The following ADGRD1 variants were observed in gnomAD, a reference collection of about 807,000 sequenced individuals.
The protein encoded by ADGRD1 is G-protein coupled receptor 133.
Under a neutral mutation model 113.4 loss-of-function variants are expected in ADGRD1, and 77 were observed. The ratio of observed to expected loss-of-function variants is 0.68; its 90% CI spans 0.57 to 0.82. The LOEUF (loss-of-function observed/expected upper bound fraction) is 0.82, where lower values mean the gene tolerates loss of function less well. Ranked by LOEUF, ADGRD1 falls within the 40% of genes least tolerant of loss-of-function variation. The pLI, the probability that ADGRD1 is intolerant of heterozygous loss-of-function variation, is 0.00. For synonymous variants in ADGRD1, 474 were observed against 475.0 expected (o/e 1.00, Z 0.03); for missense variants, 1,036 against 1,139.1 (o/e 0.91, Z 1.30).
intron 18 of ADGRD1, among the ~76,000 whole-genome samples, chr12:131,117,877 A>G (rs1950506482): frequency 6.6e-6 from 1 of 152,178 alleles, no homozygotes; most frequent in African/African-American, 2.4e-5. Flanking sequence ...AACCAACACT[A>G]TGGATACTTG....
At chr12:131,049,979 AC>A (rs1883215727) in intron 13 of ADGRD1, among the ~76,000 whole-genome samples, 1 of 152,198 alleles carries the variant, frequency 6.6e-6, no homozygotes, top group Admixed American at 6.5e-5. Flanking sequence ...TGCAGATGTC[AC>A]CCTGGTGGTC....
In ADGRD1 at chr12:130,987,195, G is replaced by A. The variant is rs1251269241; in HGVS notation, c.591G>A (p.Val197=). ...TLSTSDPSGK[V]SRDYGESNVN... The stretch of plus-strand genomic sequence containing the variant: ...GCACCTCTGATCCGAGTGGAAAAGT[G>A]TCTCGTGACTATGGAGAGTCCAACG... Residue 197 remains valine, a synonymous_variant, in exon 6 of 25, where the codon GTG becomes GTA. Transcript: ENST00000261654. The A allele has an allele frequency of 4.3e-6, 7 of 1,614,242 alleles. 1 individual carries two copies. The South Asian group carries it at 6.6e-5, about 15-fold the overall frequency.
At chr12:131,129,186 G>A (rs1406554027) in intron 20 of ADGRD1, among the ~76,000 whole-genome samples, 1 of 122,274 alleles carries the variant, frequency 8.2e-6, no homozygotes, top group Non-Finnish European at 1.7e-5. Context: ...GGCCCGCCCT[G>A]CTGTCTGGTG....
In ADGRD1 at chr12:131,000,423, G is replaced by T. The variant is rs769378221; in HGVS notation, c.1007G>T (p.Gly336Val). The change falls in exon 9 of 25, where the codon GGT (glycine) becomes GTT (valine). Residue 336 changes from glycine (G) to valine (V), a missense_variant. By Grantham distance (109) the Gly-to-Val change is moderately radical. Transcript: ENST00000261654. ...GTGGGAGAGATCCTTCTACTGCCTG[G>T]TTGGATTGCTCTGTCAGAGGTAAGA... ...KAVGEILLLP[G>V]WIALSEDSAV... is the part of the protein sequence containing the mutation. 9.3e-6 allele frequency: 15 copies of T among 1,612,656 alleles called. No homozygotes were observed. The African/African-American group carries it at 1.7e-4, about 19-fold the overall frequency.
Position 131,003,316 on chromosome 12 carries a change from G to C in ADGRD1, c.1144+14G>C, listed in dbSNP as rs563561024. The C allele has an allele frequency of 1.3e-6, 2 of 1,572,956 alleles. No individual in the cohort carries two copies. Among genetic ancestry groups the C allele is most frequent in the South Asian group, 2.2e-5 (2 of 90,306 alleles). ...CTGCCATGGCAGGTAGCTGTCGCTT[G>C]TAAGGGTGAGCCACATGGCAGGGGC... is the stretch of plus-strand genomic sequence containing the variant. On this transcript the variant is annotated intron_variant, in intron 10 of 24. Transcript: ENST00000261654. The surrounding 1 kb of genome is among the most constrained non-coding windows in gnomAD (Gnocchi z 4.8).
At chr12:131,074,778 C>T (rs1010873006) in intron 13 of ADGRD1, among the ~76,000 whole-genome samples, 1 of 152,162 alleles carries the variant, frequency 6.6e-6, no homozygotes, top group South Asian at 2.1e-4. Context: ...GAACCTCTGA[C>T]GATGGAGGGG....
chr12:131,097,435 C>T (rs967392530), intron 15 of ADGRD1, among the ~76,000 whole-genome samples: 3 of 152,258 alleles, frequency 2.0e-5, no homozygotes, highest in Admixed American at 2.0e-4. Flanking sequence ...AGTGGCCAAG[C>T]AGCTCATTTC....
chr12:131,128,076 G>A (rs113706820), intron 20 of ADGRD1, among the ~76,000 whole-genome samples: 2 of 142,160 alleles, frequency 1.4e-5, no homozygotes, highest in African/African-American at 2.7e-5. Context: ...AGCTCAGGTG[G>A]GGTGTTGGTT....
chr12:130,993,166 A>G (rs911246772), intron 8 of ADGRD1, among the ~76,000 whole-genome samples: 10 of 151,960 alleles, frequency 6.6e-5, no homozygotes, highest in Non-Finnish European at 1.5e-4. Context: ...TTCATCGGGG[A>G]TAAGTGGGTT....
intron 19 of ADGRD1, among the ~76,000 whole-genome samples, chr12:131,119,222 C>T (rs1950534059): frequency 1.3e-5 from 2 of 152,248 alleles, no homozygotes; most frequent in South Asian, 4.1e-4. Context: ...AGCATTTTCA[C>T]AGCTTCAGAA....
At chr12:131,100,464 T>A (rs892455154) in intron 15 of ADGRD1, among the ~76,000 whole-genome samples, 1 of 152,036 alleles carries the variant, frequency 6.6e-6, no homozygotes, top group Non-Finnish European at 1.5e-5. Context: ...GATGTTAAGG[T>A]TGGTTGATGG....
chr12:130,963,414 C>G (rs1384522410), intron 2 of ADGRD1, among the ~76,000 whole-genome samples: 1 of 151,918 alleles, frequency 6.6e-6, no homozygotes, highest in Admixed American at 6.6e-5. Flanking sequence ...ATCTCGCACT[C>G]AGCTTTTCGA....
chr12:131,059,293 C>T (rs748493291), intron 13 of ADGRD1, among the ~76,000 whole-genome samples: 2 of 152,160 alleles, frequency 1.3e-5, no homozygotes, highest in Admixed American at 6.5e-5. Context: ...CGTGCCTCAG[C>T]CTCCTGAGTA....
intron 2 of ADGRD1, among the ~76,000 whole-genome samples, chr12:130,963,189 G>C (rs372428482): frequency 2.0e-5 from 3 of 151,692 alleles, no homozygotes; most frequent in Non-Finnish European, 4.4e-5. Context: ...GCGTGGTGGC[G>C]GGCGCCTGTA....
intron 5 of ADGRD1, among the ~76,000 whole-genome samples, chr12:130,985,454 G>GT (rs1873537876): frequency 6.6e-6 from 1 of 151,830 alleles, no homozygotes; most frequent in African/African-American, 2.4e-5. Context: ...TCATCTAGAT[G>GT]TTTTTCCTAT....
chr12:131,131,827 C>T lies in ADGRD1; in HGVS notation c.2267+11C>T, dbSNP rs1220190914. 6.4e-6 allele frequency: 10 copies of T among 1,572,924 alleles called. No homozygotes were observed. The highest frequency in any genetic ancestry group is 2.2e-5 in the East Asian group (1 of 44,688). Reference sequence around the variant, plus strand: ...CCCCAGTGCCTTCAAGTAAGTTGACCTCAGGCTGCCAGCAGTGCCACGGCC... The same window carrying T: ...CCCCAGTGCCTTCAAGTAAGTTGACTTCAGGCTGCCAGCAGTGCCACGGCC... On this transcript the variant is annotated intron_variant, in intron 21 of 24. Transcript: ENST00000261654.
chr12:131,104,948 T>C lies in ADGRD1; in HGVS notation c.1775+14T>C, dbSNP rs1950197621. 2.0e-6 allele frequency: 3 copies of C among 1,523,536 alleles called. No individual in the cohort carries two copies. Among genetic ancestry groups the C allele is most frequent in the Middle Eastern group, 3.4e-4 (2 of 5,928 alleles). 94.4% of individuals were successfully genotyped at this position (1,523,536 alleles called of 1,614,324 possible). A position where few individuals can be genotyped will look rare whatever the true frequency, so the allele number is the denominator to read the frequency against. Reference sequence around the variant, plus strand: ...CGCCGTGCTGTCGTGAGTCCCCTTTTCTAATCCACCCAACAGTCTCTCGGC... The same window carrying C: ...CGCCGTGCTGTCGTGAGTCCCCTTTCCTAATCCACCCAACAGTCTCTCGGC... On this transcript the variant is annotated intron_variant, in intron 16 of 24. Transcript: ENST00000261654.
At chr12:130,972,779 A>G (rs1871837465) in intron 4 of ADGRD1, among the ~76,000 whole-genome samples, 1 of 152,060 alleles carries the variant, frequency 6.6e-6, no homozygotes, top group African/African-American at 2.4e-5. Flanking sequence ...TCTTTGGAGT[A>G]GAGGCATCCA....
rs371810967 is a variant in ADGRD1 at position 131,080,604 on chromosome 12, C to G, written c.1547+3730C>G. On this transcript the variant is annotated intron_variant, in intron 14 of 24. Transcript: ENST00000261654. ...ATTTTAGTGGTGGATTTACCTATGT[C>G]TACTTCTAGTTTTATTCTTTTTTTT... Among the ~76,000 whole-genome samples, 34 of 152,146 alleles carry G rather than the reference C, an allele frequency of 2.2e-4. No individual in the cohort carries two copies. The East Asian group carries it at 3.7e-3, about 16-fold the overall frequency.
Sources: gnomAD v4.1 joint callset for allele counts (sites outside exome capture counted in the v4.1 genomes callset) on GRCh38, gnomAD v4.1.1 for gene constraint, Gnocchi (gnomAD v3.1) non-coding constraint, MANE v1.5 for transcripts, NCBI Gene and HGNC (gene_info 2026-07-23, HGNC 2026-07-21) for gene names.